Variants in MGAT4C observed in about 807,000 individuals in gnomAD.
MGAT4C encodes the protein alpha-1,3-mannosyl-glycoprotein 4-beta-N-acetylglucosaminyltransferase C.
A neutral mutation model predicts 40.1 loss-of-function variants in MGAT4C; 19 were observed. That is an observed-to-expected ratio of 0.47 (90% CI 0.33 to 0.70). The LOEUF is 0.70. Ranked by LOEUF, MGAT4C falls within the 30% of genes least tolerant of loss-of-function variation. The pLI, the probability that MGAT4C is intolerant of heterozygous loss-of-function variation, is 0.02. For missense variants in MGAT4C, 491 were observed against 563.2 expected (o/e 0.87, Z 1.30); for synonymous variants, 181 against 187.1 (o/e 0.97, Z 0.27).
chr12:86,735,498 G>C (rs1358163789), intron 1 of MGAT4C, among the ~76,000 whole-genome samples: 7 of 151,894 alleles, frequency 4.6e-5, no homozygotes, highest in Non-Finnish European at 8.8e-5. Context: ...GCAGCACAAG[G>C]AAGCAAGGGA....
intron 1 of MGAT4C, among the ~76,000 whole-genome samples, chr12:86,742,317 C>T (rs898068002): frequency 6.6e-6 from 1 of 151,410 alleles, no homozygotes; most frequent in African/African-American, 2.4e-5. Flanking sequence ...GCTGCATGTT[C>T]AGTATTTGTA....
rs142072525 is a variant in MGAT4C, at chr12:86,764,089, C to G, written c.-261-36848G>C. ...GCCTCACTCCAGAAGCGCAAGGGGT[C>G]AGGGAGTTCCCTTTCCTAGTCAAAG... On this transcript the variant is annotated intron_variant, in intron 1 of 7. Coordinates refer to the MGAT4C transcript ENST00000548651. Among the ~76,000 whole-genome samples, 1,438 of 152,206 alleles carry G rather than the reference C, an allele frequency of 9.4e-3. 16 individuals carry two copies. Among genetic ancestry groups the G allele is most frequent in the African/African-American group, 0.033 (1,373 of 41,536 alleles).
intron 4 of MGAT4C, among the ~76,000 whole-genome samples, chr12:86,280,687 G>C (rs781282912): frequency 6.6e-4 from 95 of 144,456 alleles, no homozygotes; most frequent in Non-Finnish European, 1.3e-3. Flanking sequence ...TACACATTTT[G>C]AATTTCTATC....
chr12:86,234,133 T>C (rs926719718), intron 1 of MGAT4C, among the ~76,000 whole-genome samples: 3 of 152,158 alleles, frequency 2.0e-5, no homozygotes, highest in South Asian at 2.1e-4. Context: ...ACAGTTCAGA[T>C]TGAAAAAGCC....
At chr12:86,295,823 TTGGTGCATTC>T (rs1953655040) in intron 4 of MGAT4C, among the ~76,000 whole-genome samples, 1 of 152,030 alleles carries the variant, frequency 6.6e-6, no homozygotes, top group Non-Finnish European at 1.5e-5. Context: ...AGAGTGTGGA[TTGGTGCATTC>T]ACAAACCTTG....
At chr12:86,462,977 T>TCAATC (rs10675739) in intron 2 of MGAT4C, among the ~76,000 whole-genome samples, 137,132 of 151,604 alleles carry the variant, frequency 0.9, 62,168 homozygotes, top group East Asian at 1. Context: ...TTTCCATCCT[T>TCAATC]CAATCAAGTT....
chr12:86,532,418 T>A (rs766824221), intron 2 of MGAT4C, among the ~76,000 whole-genome samples: 8 of 152,042 alleles, frequency 5.3e-5, no homozygotes, highest in Non-Finnish European at 1.0e-4. Context: ...ACAAAGTAGG[T>A]TTTTCTTAAT....
intron 1 of MGAT4C, among the ~76,000 whole-genome samples, chr12:86,162,925 A>G (rs1317375669): frequency 1.3e-5 from 2 of 152,160 alleles, no homozygotes; most frequent in Non-Finnish European, 2.9e-5. Context: ...ATTTCCAAAT[A>G]CTATATGCTT....
At chr12:86,322,317 A>G (rs944909177) in intron 4 of MGAT4C, among the ~76,000 whole-genome samples, 4 of 151,870 alleles carry the variant, frequency 2.6e-5, no homozygotes, top group African/African-American at 9.7e-5. Context: ...GCACATGTAT[A>G]CATATGTAAC....
In MGAT4C at chr12:86,824,644, G is replaced by T. The variant is rs191178560; in HGVS notation, c.-262+14022C>A. Among the ~76,000 whole-genome samples, 55 of 150,130 alleles carry T rather than the reference G, an allele frequency of 3.7e-4. No homozygotes were observed. The Middle Eastern group carries it at 0.014, about 37-fold the overall frequency. ...TGTCATGTCCCAGAGGAAAAAAAAT[G>T]GTCCCAGACTGTCAACACTGAAGGT... On this transcript the variant is annotated intron_variant, in intron 1 of 7. Transcript: ENST00000548651.
intron 1 of MGAT4C, among the ~76,000 whole-genome samples, chr12:86,093,968 T>A (rs1015917513): frequency 6.6e-6 from 1 of 152,230 alleles, no homozygotes; most frequent in East Asian, 1.9e-4. Flanking sequence ...AGTTTACTTT[T>A]ATGTCTTACT....
At chr12:86,666,555 T>TC (rs1593095227) in intron 2 of MGAT4C, among the ~76,000 whole-genome samples, 1 of 152,326 alleles carries the variant, frequency 6.6e-6, no homozygotes, top group South Asian at 2.1e-4. Context: ...ATCTTTTTTT[T>TC]CACAAAATGT....
chr12:85,988,418 T>A (rs1885496831), intron 3 of MGAT4C, among the ~76,000 whole-genome samples: 1 of 152,154 alleles, frequency 6.6e-6, no homozygotes, highest in Non-Finnish European at 1.5e-5. Context: ...AGCATTTTTT[T>A]TTGGAAATAC....
intron 3 of MGAT4C, among the ~76,000 whole-genome samples, chr12:85,985,718 T>C (rs1227190459): frequency 6.6e-6 from 1 of 152,172 alleles, no homozygotes; most frequent in African/African-American, 2.4e-5. Context: ...AAGTTCTTTA[T>C]ACATAAATAT....
At chr12:86,692,849 C>T (rs1950194650) in intron 2 of MGAT4C, among the ~76,000 whole-genome samples, 1 of 152,004 alleles carries the variant, frequency 6.6e-6, no homozygotes, top group African/African-American at 2.4e-5. Context: ...ACGAGTGTAC[C>T]ACACAAATTG....
intron 4 of MGAT4C, among the ~76,000 whole-genome samples, chr12:86,333,184 C>A (rs555005400): frequency 3.7e-4 from 56 of 152,148 alleles, no homozygotes; most frequent in Non-Finnish European, 7.4e-4. Context: ...ACTTGTCTCA[C>A]CCTCACTTTC....
At chr12:86,371,444 A>G (rs200920131) in intron 3 of MGAT4C, among the ~76,000 whole-genome samples, 23 of 152,170 alleles carry the variant, frequency 1.5e-4, no homozygotes, top group African/African-American at 2.6e-4. Flanking sequence ...TGAAACACCA[A>G]TGAAAGTGTT....
intron 2 of MGAT4C, among the ~76,000 whole-genome samples, chr12:86,646,494 G>A (rs1375686376): frequency 6.6e-6 from 1 of 151,878 alleles, no homozygotes; most frequent in African/African-American, 2.4e-5. Context: ...TATAATTCAA[G>A]CTGAGTATAG....
chr12:86,514,365 C>T (rs1194667415), intron 2 of MGAT4C, among the ~76,000 whole-genome samples: 1 of 152,102 alleles, frequency 6.6e-6, no homozygotes, highest in Non-Finnish European at 1.5e-5. Context: ...AACTACGTGG[C>T]TTAAAATGAC....
Sources: gnomAD v4.1 joint callset for allele counts (sites outside exome capture counted in the v4.1 genomes callset) on GRCh38, gnomAD v4.1.1 for gene constraint, MANE v1.5 for transcripts, NCBI Gene and HGNC (gene_info 2026-07-23, HGNC 2026-07-21) for gene names.